PTPRG: variants seen among roughly 807,000 people sequenced by gnomAD.
PTPRG encodes the protein receptor-type tyrosine-protein phosphatase gamma.
PTPRG carries 102 observed loss-of-function variants against 165.3 expected under a neutral mutation model. The observed-to-expected ratio is 0.62, with a 90% CI of 0.53 to 0.73. The LOEUF (loss-of-function observed/expected upper bound fraction) is 0.73. Ranked by LOEUF, PTPRG falls within the 30% of genes least tolerant of loss-of-function variation. The pLI, the probability that PTPRG is intolerant of heterozygous loss-of-function variation, is 0.00. For missense variants in PTPRG, 1,866 were observed against 1,861.4 expected, an observed-to-expected ratio of 1.00 and a Z score of -0.05; for synonymous variants, 675 against 669.5, an observed-to-expected ratio of 1.01 and a Z score of -0.13.
intron 6 of PTPRG, among the ~76,000 whole-genome samples, chr3:62,140,710 G>C (rs1319662697): frequency 1.3e-5 from 2 of 152,016 alleles, no homozygotes; most frequent in African/African-American, 2.4e-5. Context: ...AGCCAGGCAT[G>C]GTGTTATGCG....
At chr3:61,962,461 T>C (rs758751480) in intron 2 of PTPRG, among the ~76,000 whole-genome samples, 5 of 152,196 alleles carry the variant, frequency 3.3e-5, no homozygotes, top group Non-Finnish European at 5.9e-5. Flanking sequence ...TTACATAACC[T>C]ATGGCAAAGT....
At chr3:61,818,355 A>G (rs183127530) in intron 2 of PTPRG, among the ~76,000 whole-genome samples, 1 of 152,328 alleles carries the variant, frequency 6.6e-6, no homozygotes, top group East Asian at 1.9e-4. Flanking sequence ...GAAGAGAAAG[A>G]TGGCAGGATT....
chr3:61,828,761 G>T (rs2036184433), intron 2 of PTPRG, among the ~76,000 whole-genome samples: 1 of 152,206 alleles, frequency 6.6e-6, no homozygotes, highest in Admixed American at 6.5e-5. Context: ...GACAAGCCTT[G>T]CCTGCAGTGA....
At chr3:61,781,655 A>G (rs1042662693) in intron 2 of PTPRG, among the ~76,000 whole-genome samples, 2 of 152,222 alleles carry the variant, frequency 1.3e-5, no homozygotes, top group African/African-American at 4.8e-5. Context: ...AATACTATTC[A>G]GCTCTGAATG....
chr3:61,877,807 T>C (rs760880123), intron 2 of PTPRG, among the ~76,000 whole-genome samples: 3 of 149,640 alleles, frequency 2.0e-5, no homozygotes, highest in Non-Finnish European at 3.0e-5. Context: ...CTGAACAAAC[T>C]GTGTGTGTTG....
chr3:62,248,271 G>GT (rs1464424438), intron 15 of PTPRG, among the ~76,000 whole-genome samples: 4 of 152,180 alleles, frequency 2.6e-5, no homozygotes, highest in African/African-American at 9.6e-5. Context: ...TATGGGAAAA[G>GT]TAGGAGCAGG....
intron 1 of PTPRG, among the ~76,000 whole-genome samples, chr3:61,684,964 A>T (rs79313053): frequency 0.012 from 1,754 of 152,134 alleles, 18 homozygotes; most frequent in Non-Finnish European, 0.018. Context: ...TATTTAACCC[A>T]AGTCTAGTCT....
chr3:61,705,657 A>G (rs2031210292), intron 1 of PTPRG, among the ~76,000 whole-genome samples: 1 of 152,152 alleles, frequency 6.6e-6, no homozygotes, highest in South Asian at 2.1e-4. Flanking sequence ...ATTCTTGGTT[A>G]TTTTACCAGG....
intron 1 of PTPRG, among the ~76,000 whole-genome samples, chr3:61,700,159 T>C (rs1338215788): frequency 1.3e-5 from 2 of 152,176 alleles, no homozygotes; most frequent in African/African-American, 4.8e-5. Flanking sequence ...CCCCTAAGGA[T>C]TGCCATATGC....
At chr3:62,137,455 T>C (rs1703752474) in intron 6 of PTPRG, among the ~76,000 whole-genome samples, 1 of 152,194 alleles carries the variant, frequency 6.6e-6, no homozygotes, top group Non-Finnish European at 1.5e-5. Flanking sequence ...TTTGTTCAAC[T>C]TTTGAAGCCT....
intron 3 of PTPRG, among the ~76,000 whole-genome samples, chr3:61,998,948 C>T (rs555415690): frequency 6.6e-6 from 1 of 152,314 alleles, no homozygotes; most frequent in Admixed American, 6.5e-5. Flanking sequence ...AAGATTAAGG[C>T]ACCAGCAGAT....
intron 5 of PTPRG, among the ~76,000 whole-genome samples, chr3:62,095,118 C>T (rs1702066894): frequency 1.3e-5 from 2 of 152,232 alleles, no homozygotes; most frequent in South Asian, 4.1e-4. Flanking sequence ...CCTTCCATTA[C>T]ATCCTTGTTA....
intron 5 of PTPRG, among the ~76,000 whole-genome samples, chr3:62,128,023 G>A (rs575624050): frequency 6.6e-5 from 10 of 152,302 alleles, no homozygotes; most frequent in South Asian, 2.1e-4. Flanking sequence ...CCTTCAGTCC[G>A]AACCTAGGTT....
intron 2 of PTPRG, among the ~76,000 whole-genome samples, chr3:61,871,531 G>A (rs890408149): frequency 2.0e-5 from 3 of 152,090 alleles, no homozygotes; most frequent in African/African-American, 7.2e-5. Flanking sequence ...GCATAAAACT[G>A]CTGACTCTCC....
intron 16 of PTPRG, chr3:62,261,972 G>C (rs1292568498): frequency 6.6e-6 from 1 of 152,070 alleles, no homozygotes; most frequent in East Asian, 1.9e-4. Context: ...GTGTTACTTT[G>C]TTCAGGCTCT....
At chr3:61,743,381 G>C (rs1298270442) in intron 1 of PTPRG, among the ~76,000 whole-genome samples, 1 of 152,144 alleles carries the variant, frequency 6.6e-6, no homozygotes, top group East Asian at 1.9e-4. Context: ...AAAATCGAGA[G>C]ACTCAGATTT....
chr3:61,693,990 A>C (rs1245330821), intron 1 of PTPRG, among the ~76,000 whole-genome samples: 1 of 148,952 alleles, frequency 6.7e-6, no homozygotes, highest in Non-Finnish European at 1.5e-5. Context: ...CCTGGGTGAC[A>C]CAGTGAGACT....
intron 1 of PTPRG, among the ~76,000 whole-genome samples, chr3:61,728,313 G>C (rs1238874688): frequency 1.3e-5 from 2 of 152,184 alleles, no homozygotes; most frequent in Non-Finnish European, 2.9e-5. Flanking sequence ...TATGCATGGT[G>C]GTGCACATTT....
At chr3:61,731,904 G>A (rs2032517228) in intron 1 of PTPRG, among the ~76,000 whole-genome samples, 1 of 151,708 alleles carries the variant, frequency 6.6e-6, no homozygotes, top group African/African-American at 2.4e-5. Flanking sequence ...CAGGTTCAAG[G>A]GATTCTCCTG....
Sources: allele counts gnomAD v4.1 joint callset (sites outside exome capture counted in the v4.1 genomes callset), GRCh38; gene constraint gnomAD v4.1.1; transcripts MANE v1.5; gene names NCBI Gene and HGNC (gene_info 2026-07-23, HGNC 2026-07-21).